Variants in DCAF6 observed in about 807,000 individuals in gnomAD.
DCAF6 encodes the protein DDB1- and CUL4-associated factor 6.
In DCAF6, 54 loss-of-function variants were observed where a neutral mutation model predicts 125.1. That is an observed-to-expected ratio of 0.43 (90% CI 0.35 to 0.54). DCAF6 has a LOEUF of 0.54. Among genes scored for constraint, DCAF6 ranks in the 20% least tolerant of loss-of-function variants. The pLI is 0.01. For missense variants in DCAF6, 934 were observed against 1,161.7 expected, an observed-to-expected ratio of 0.80 and a Z score of 2.85; for synonymous variants, 371 against 390.4, an observed-to-expected ratio of 0.95 and a Z score of 0.58.
At chr1:167,918,727 G>A in the DCAF6 span, among the ~76,000 whole-genome samples, 1 of 151,594 alleles carries the variant, frequency 6.6e-6, no homozygotes, top group African/African-American at 2.4e-5. Context: ...CCGAGTAGCT[G>A]GGACTACAGG....
chr1:167,957,143 A>G (rs1161108904), intron 2 of DCAF6, among the ~76,000 whole-genome samples: 1 of 151,970 alleles, frequency 6.6e-6, no homozygotes, highest in Non-Finnish European at 1.5e-5. Flanking sequence ...TATAAAACTG[A>G]CGCATCTTAA....
chr1:167,899,413 T>G, the DCAF6 span: 1 of 1,614,036 alleles, frequency 6.2e-7, no homozygotes, highest in Non-Finnish European at 8.5e-7. Context: ...AGTAGCAGCA[T>G]CACACCCACC....
At chr1:168,041,213 A>C (rs1311788841) in intron 13 of DCAF6, among the ~76,000 whole-genome samples, 1 of 152,078 alleles carries the variant, frequency 6.6e-6, no homozygotes, top group Non-Finnish European at 1.5e-5. Context: ...TGTTAGCTAC[A>C]GTTCTCATCT....
chr1:168,046,356 A>ATT (rs1365820071), intron 16 of DCAF6, among the ~76,000 whole-genome samples: 5 of 152,192 alleles, frequency 3.3e-5, no homozygotes, highest in African/African-American at 1.2e-4. Flanking sequence ...TTTTTAAAAG[A>ATT]ATTACAGTAA....
chr1:167,913,720 A>C, the DCAF6 span, among the ~76,000 whole-genome samples: 2,319 of 151,018 alleles, frequency 0.015, 55 homozygotes, highest in African/African-American at 0.051. Flanking sequence ...TCACGTGAGA[A>C]ACTGCAGAAA....
intron 4 of DCAF6, among the ~76,000 whole-genome samples, chr1:167,981,976 T>C (rs1177114058): frequency 2.0e-5 from 3 of 152,246 alleles, no homozygotes; most frequent in African/African-American, 7.2e-5. Flanking sequence ...CTGAACGAAT[T>C]TACATTCCCA....
In DCAF6 at chr1:167,966,727, G is replaced by A. The variant is rs373649432; in HGVS notation, c.252+6G>A. 1.9e-5 allele frequency: 29 copies of A among 1,520,710 alleles called. No individual in the cohort carries two copies. The highest frequency in any genetic ancestry group is 2.4e-5 in the Non-Finnish European group (27 of 1,110,596). 94.2% of individuals were successfully genotyped at this position (1,520,710 alleles called of 1,614,324 possible). A position where few individuals can be genotyped will look rare whatever the true frequency, so the allele number is the denominator to read the frequency against. ...GTAATCCTTACAGCAGAAAGGTAAAGTAGTTTAAAAAATCTGTAATTTAAT... is the reference window on the plus strand; with the variant it reads ...GTAATCCTTACAGCAGAAAGGTAAAATAGTTTAAAAAATCTGTAATTTAAT... On this transcript the variant is annotated splice_donor_region_variant and intron_variant, in intron 3 of 21. Coordinates refer to ENST00000367840, the MANE Select transcript of DCAF6 (RefSeq NM_001198956.2).
chr1:168,036,986 G>T (rs1485272473), intron 12 of DCAF6, among the ~76,000 whole-genome samples: 1 of 151,834 alleles, frequency 6.6e-6, no homozygotes, highest in Non-Finnish European at 1.5e-5. Flanking sequence ...ACTAAGTTTT[G>T]TTATCAGCTT....
Position 167,993,418 on chromosome 1 carries a change from C to A in DCAF6, c.881C>A (p.Ser294Tyr), listed in dbSNP as rs1681153682. 3 of 1,613,678 alleles carry A rather than the reference C, an allele frequency of 1.9e-6. No homozygotes were observed. In the African/African-American group the frequency reaches 4.0e-5, roughly 22 times the overall value. The change falls in exon 7 of 22, where the codon TCT becomes TAT. Residue 294 changes from serine (S) to tyrosine (Y), a missense_variant. Physicochemically the swap from Ser to Tyr is moderately radical, Grantham distance 144. Coordinates refer to ENST00000367840, the MANE Select transcript of DCAF6 (RefSeq NM_001198956.2). ...DDTARELKTP[S>Y]AEERREELRQ... Reference sequence around the variant, plus strand: ...ACAGCACGAGAACTTAAAACTCCTTCTGCGGAAGAGAGAAGAGAAGAGGTA... The same window carrying A: ...ACAGCACGAGAACTTAAAACTCCTTATGCGGAAGAGAGAAGAGAAGAGGTA...
At chr1:167,937,464 C>G (rs1027205218) in intron 1 of DCAF6, among the ~76,000 whole-genome samples, 6 of 152,164 alleles carry the variant, frequency 3.9e-5, no homozygotes, top group Admixed American at 2.0e-4. Flanking sequence ...GTTGACCACC[C>G]TCAGGGACTT....
At chr1:167,938,717 T>C (rs1241627987) in intron 1 of DCAF6, among the ~76,000 whole-genome samples, 1 of 152,254 alleles carries the variant, frequency 6.6e-6, no homozygotes, top group African/African-American at 2.4e-5. Context: ...TTTATCTCAG[T>C]TGGACAGTTT....
chr1:167,932,129 A>G (rs1232545538), upstream of DCAF6, among the ~76,000 whole-genome samples: 5 of 152,208 alleles, frequency 3.3e-5, no homozygotes, highest in Non-Finnish European at 7.3e-5. Context: ...GATATGGTTC[A>G]GATAGCTGTT....
the DCAF6 span, among the ~76,000 whole-genome samples, chr1:167,898,423 A>G: frequency 6.6e-6 from 1 of 151,548 alleles, no homozygotes; most frequent in Non-Finnish European, 1.5e-5. Flanking sequence ...AGATGGTGAA[A>G]CCCCGTCTCT....
At chr1:167,882,216 G>A in the DCAF6 span, among the ~76,000 whole-genome samples, 18 of 152,322 alleles carry the variant, frequency 1.2e-4, no homozygotes, top group South Asian at 2.1e-4. Context: ...CAGGTGCAGT[G>A]GCTCATGCCT....
upstream of DCAF6, among the ~76,000 whole-genome samples, chr1:167,932,334 A>G (rs1670934413): frequency 6.6e-6 from 1 of 152,208 alleles, no homozygotes; most frequent in Non-Finnish European, 1.5e-5. Context: ...ATACACAATG[A>G]AAAATTTAAG....
At chr1:168,003,796 A>T (rs1451248952) in intron 8 of DCAF6, 74 bp from the exon 9 acceptor site, 3 of 1,373,226 alleles carry the variant, frequency 2.2e-6, no homozygotes, top group Non-Finnish European at 3.0e-6. Context: ...AAAGCCCTTC[A>T]AATCTAGGTT....
intron 10 of DCAF6, among the ~76,000 whole-genome samples, chr1:168,005,466 G>A (rs1683218479): frequency 6.6e-6 from 1 of 151,950 alleles, no homozygotes; most frequent in African/African-American, 2.4e-5. Context: ...ATTTATAATA[G>A]TAATTTTCAG....
the DCAF6 span, chr1:167,875,192 GAGA>G: frequency 6.2e-7 from 1 of 1,613,976 alleles, no homozygotes; most frequent in Non-Finnish European, 8.5e-7. Context: ...ACATGCTGAA[GAGA>G]AGAACAAAAG....
chr1:167,977,824 T>C (rs998105625), intron 4 of DCAF6, among the ~76,000 whole-genome samples: 23 of 152,202 alleles, frequency 1.5e-4, no homozygotes, highest in African/African-American at 5.5e-4. Context: ...AAATCCTAAG[T>C]ATATGGCTTA....
Sources: gnomAD v4.1 joint callset for allele counts (sites outside exome capture counted in the v4.1 genomes callset) on GRCh38, gnomAD v4.1.1 for gene constraint, MANE v1.5 for transcripts, NCBI Gene and HGNC (gene_info 2026-07-23, HGNC 2026-07-21) for gene names.